CHL1: variants seen among roughly 807,000 people sequenced by gnomAD.
The protein encoded by CHL1 is neural cell adhesion molecule L1-like protein.
CHL1 carries 96 observed loss-of-function variants against 141.9 expected under a neutral mutation model. The ratio of observed to expected loss-of-function variants is 0.68; its 90% CI spans 0.57 to 0.80. The LOEUF (loss-of-function observed/expected upper bound fraction) is 0.80, where lower values mean the gene tolerates loss of function less well. Ranked by LOEUF, CHL1 falls within the 30% of genes least tolerant of loss-of-function variation. The pLI is 0.00. For synonymous variants in CHL1, 613 were observed against 502.2 expected (o/e 1.22, Z -2.95); for missense variants, 1,820 against 1,457.2 (o/e 1.25, Z -4.05).
At chr3:252,732 C>A (rs1240260281) in intron 2 of CHL1, among the ~76,000 whole-genome samples, 1 of 151,980 alleles carries the variant, frequency 6.6e-6, no homozygotes, top group Non-Finnish European at 1.5e-5. Flanking sequence ...GGTTAAATGT[C>A]TGATGGTCTG....
In CHL1 at chr3:377,865, A is replaced by G. The variant is rs1312832996; in HGVS notation, c.1799A>G (p.Glu600Gly). The change falls in exon 16 of 28, where the codon GAG becomes GGG. Residue 600 changes from glutamate to glycine, a missense_variant. Coordinates refer to ENST00000256509, the MANE Select transcript of CHL1 (RefSeq NM_006614.4). Reference sequence around the variant, plus strand: ...TTGACCATATCTAATGTAACTTTAGAGGACCAAGGTATTTACTGCTGTTCA... The same window carrying G: ...TTGACCATATCTAATGTAACTTTAGGGGACCAAGGTATTTACTGCTGTTCA... ...ANLTISNVTL[E>G]DQGIYCCSAH... 1.2e-5 allele frequency: 20 copies of G among 1,611,318 alleles called. No homozygotes were observed. Among genetic ancestry groups the G allele is most frequent in the Non-Finnish European group, 1.6e-5 (19 of 1,177,782 alleles).
Position 361,825 on chromosome 3 carries a change from C to G in CHL1, c.1418+15C>G. ...GTCGTGTCCTGGTAAGCCGGTGGCT[C>G]ATGGTTTTCTTAAGAGAATGTCAAT... On this transcript the variant is annotated intron_variant, in intron 13 of 27. Transcript: ENST00000256509. 1 of 1,521,524 alleles carries G rather than the reference C, an allele frequency of 6.6e-7. No individual in the cohort carries two copies. The highest frequency in any genetic ancestry group is 9.1e-7 in the Non-Finnish European group (1 of 1,096,290). 94.3% of individuals were successfully genotyped at this position (1,521,524 alleles called of 1,614,324 possible).
At chr3:400,216 C>T (rs1423536085) in intron 26 of CHL1, among the ~76,000 whole-genome samples, 4 of 152,230 alleles carry the variant, frequency 2.6e-5, no homozygotes, top group African/African-American at 9.6e-5. Context: ...TATTGGGAAC[C>T]CGTCATCTAC....
intron 27 of CHL1, among the ~76,000 whole-genome samples, chr3:404,578 T>C (rs1408739544): frequency 6.6e-6 from 1 of 152,204 alleles, no homozygotes; most frequent in Non-Finnish European, 1.5e-5. Context: ...CTTATTTATG[T>C]TCTTAAAATA....
intron 5 of CHL1, among the ~76,000 whole-genome samples, chr3:332,286 G>A (rs978141195): frequency 1.3e-5 from 2 of 152,112 alleles, no homozygotes; most frequent in African/African-American, 4.8e-5. Flanking sequence ...GAGAAAGTTT[G>A]AAATATGTAA....
At chr3:277,143 C>A (rs1309554806) in intron 2 of CHL1, among the ~76,000 whole-genome samples, 1 of 152,092 alleles carries the variant, frequency 6.6e-6, no homozygotes, top group Non-Finnish European at 1.5e-5. Flanking sequence ...GTGTTTGTTA[C>A]ATGAGTATTC....
chr3:277,505 C>G (rs1214935279), intron 2 of CHL1, among the ~76,000 whole-genome samples: 1 of 152,146 alleles, frequency 6.6e-6, no homozygotes, highest in Non-Finnish European at 1.5e-5. Flanking sequence ...TTTCTCTTCT[C>G]TACCACATTC....
At chr3:228,725 C>T (rs909377222) in intron 1 of CHL1, among the ~76,000 whole-genome samples, 2 of 152,160 alleles carry the variant, frequency 1.3e-5, no homozygotes, top group Non-Finnish European at 2.9e-5. Flanking sequence ...CTATCAACTC[C>T]ATGAGGGAGA....
intron 5 of CHL1, among the ~76,000 whole-genome samples, chr3:330,743 T>G (rs1434163432): frequency 6.6e-6 from 1 of 152,158 alleles, no homozygotes; most frequent in Non-Finnish European, 1.5e-5. Context: ...AAAATATCTT[T>G]GAGGAACAAA....
intron 1 of CHL1, among the ~76,000 whole-genome samples, chr3:244,192 G>A (rs889899968): frequency 8.5e-5 from 13 of 152,116 alleles, no homozygotes; most frequent in African/African-American, 3.1e-4. Context: ...TCCTCGTTTT[G>A]GTCCATATCG....
chr3:282,621 C>T (rs1191561049), intron 2 of CHL1: 2 of 152,126 alleles, frequency 1.3e-5, no homozygotes, highest in Admixed American at 6.6e-5. Flanking sequence ...GTATAGAATT[C>T]TTGGTTGACT....
chr3:301,122 A>G (rs961069104), intron 2 of CHL1, among the ~76,000 whole-genome samples: 4 of 152,170 alleles, frequency 2.6e-5, no homozygotes, highest in African/African-American at 9.7e-5. Flanking sequence ...CCTTTACATG[A>G]GCAATACAGA....
chr3:247,074 T>C (rs1429639215), intron 2 of CHL1: 2 of 151,820 alleles, frequency 1.3e-5, no homozygotes, highest in African/African-American at 4.8e-5. Context: ...GAGAATAGTA[T>C]TTTCATTTCA....
At position 325,941 on chromosome 3, in the gene CHL1, A is replaced by G. The variant is rs759606025; in HGVS notation, c.92-18A>G. The G allele has an allele frequency of 6.4e-7, 1 of 1,557,294 alleles. No homozygotes were observed. The highest frequency in any genetic ancestry group is 1.4e-5 in the African/African-American group (1 of 73,432). On this transcript the variant is annotated intron_variant, in intron 3 of 27. Coordinates refer to ENST00000256509, the MANE Select transcript of CHL1 (RefSeq NM_006614.4). ...CTGTTTGAATAGTGTGTTTTTAAGT[A>G]CATATTTTAATATTTAGTTCAACAG...
chr3:287,278 A>G (rs1312869628), intron 2 of CHL1, among the ~76,000 whole-genome samples: 1 of 152,148 alleles, frequency 6.6e-6, no homozygotes, highest in Non-Finnish European at 1.5e-5. Context: ...TCAGTGAAGA[A>G]ATCTGTCTTG....
intron 1 of CHL1, among the ~76,000 whole-genome samples, chr3:230,930 T>C (rs990227993): frequency 2.0e-5 from 3 of 152,194 alleles, no homozygotes; most frequent in African/African-American, 7.2e-5. Context: ...ATTGTGCTCA[T>C]GAAGGCACGT....
rs370120839 is a variant in CHL1, at chr3:394,749, A to G, written c.2971A>G (p.Lys991Glu). 16 of 1,613,844 alleles carry G rather than the reference A, an allele frequency of 9.9e-6. No individual in the cohort carries two copies. Among genetic ancestry groups the G allele is most frequent in the Admixed American group, 1.7e-5 (1 of 59,982 alleles). Residue 991 changes from lysine to glutamate, a missense_variant, in exon 24 of 28, where the codon AAG becomes GAG. Transcript: ENST00000256509. ...LNDINITTPS[K>E]PSWHLSNLNA... The stretch of plus-strand genomic sequence containing the variant: ...TGATATTAACATTACAACTCCATCA[A>G]AGCCCAGCTGGCACCTCTCAAACCT...
chr3:249,447 C>T (rs540533769), intron 2 of CHL1, among the ~76,000 whole-genome samples: 7 of 152,202 alleles, frequency 4.6e-5, no homozygotes, highest in African/African-American at 1.7e-4. Context: ...TCACTAAGAA[C>T]CCTGTGCAAT....
intron 1 of CHL1, among the ~76,000 whole-genome samples, chr3:240,887 G>A (rs1420552469): frequency 1.3e-5 from 2 of 152,112 alleles, no homozygotes; most frequent in Non-Finnish European, 2.9e-5. Flanking sequence ...TGTTTGCTTT[G>A]TAGAAGATCA....
Sources: gnomAD v4.1 joint callset for allele counts (sites outside exome capture counted in the v4.1 genomes callset) on GRCh38, gnomAD v4.1.1 for gene constraint, MANE v1.5 for transcripts, NCBI Gene and HGNC (gene_info 2026-07-23, HGNC 2026-07-21) for gene names.